GOLIM4: variants seen among roughly 807,000 people sequenced by gnomAD.
The protein encoded by GOLIM4 is golgi integral membrane protein 4, also known as 130 kDa golgi-localized phosphoprotein.
Under a neutral mutation model 107.4 loss-of-function variants are expected in GOLIM4, and 71 were observed. The ratio of observed to expected loss-of-function variants is 0.66; its 90% CI spans 0.55 to 0.81. The LOEUF is 0.81. GOLIM4 is among the 30% of genes least tolerant of loss of function. The probability of loss-of-function intolerance (pLI) is 0.00; values close to 1 mark genes in which losing one functional copy is unlikely to be tolerated. For synonymous variants in GOLIM4, 327 were observed against 294.8 expected (o/e 1.11, Z -1.12); for missense variants, 830 against 826.1 (o/e 1.00, Z -0.06).
chr3:168,090,885 G>C (rs763704844), intron 1 of GOLIM4, among the ~76,000 whole-genome samples: 1 of 152,196 alleles, frequency 6.6e-6, no homozygotes, highest in Non-Finnish European at 1.5e-5. Context: ...GGATGGACCT[G>C]GAGGCCATTA....
chr3:168,085,160 A>G (rs941751341), intron 1 of GOLIM4, among the ~76,000 whole-genome samples: 2 of 152,246 alleles, frequency 1.3e-5, no homozygotes, highest in African/African-American at 2.4e-5. Flanking sequence ...TAGACAGCAA[A>G]TAATGTTGAA....
rs184037789 is a variant in GOLIM4 at position 168,050,971 on chromosome 3, G to A, written c.188-2606C>T. Among the ~76,000 whole-genome samples, 314 of 151,998 alleles carry A rather than the reference G, an allele frequency of 2.1e-3. 1 individual carries two copies. Among genetic ancestry groups the A allele is most frequent in the African/African-American group, 7.3e-3 (301 of 41,446 alleles). ...ATTAAACATTATTGTAGAAGGTCAA[G>A]GATAGAGGGGAAAAAAGCTGAATTT... On this transcript the variant is annotated intron_variant, in intron 1 of 15. Coordinates refer to ENST00000470487, the MANE Select transcript of GOLIM4 (RefSeq NM_014498.5).
At chr3:168,033,443 A>C (rs895492822) in intron 8 of GOLIM4, among the ~76,000 whole-genome samples, 1 of 31,900 alleles carries the variant, frequency 3.1e-5, no homozygotes, top group Non-Finnish European at 7.3e-5. Context: ...GTCTCTACTA[A>C]AAAAACACAA....
chr3:168,039,494 C>T (rs1039342733), intron 7 of GOLIM4, among the ~76,000 whole-genome samples: 1 of 152,052 alleles, frequency 6.6e-6, no homozygotes, highest in East Asian at 1.9e-4. Context: ...AAACTCCTGA[C>T]CTCAGGTGAT....
At chr3:168,016,580 G>T (rs1219330849) in intron 14 of GOLIM4, among the ~76,000 whole-genome samples, 1 of 133,246 alleles carries the variant, frequency 7.5e-6, no homozygotes, top group Non-Finnish European at 1.5e-5. Context: ...CTGCTATAAA[G>T]ACACATGCAC....
chr3:168,071,546 C>G (rs769411150), intron 1 of GOLIM4, among the ~76,000 whole-genome samples: 1 of 151,344 alleles, frequency 6.6e-6, no homozygotes, highest in Non-Finnish European at 1.5e-5. Flanking sequence ...CCGGCGCCCC[C>G]CTACCTCCAG....
chr3:168,042,761 A>C (rs1430429591), intron 5 of GOLIM4, among the ~76,000 whole-genome samples: 1 of 152,140 alleles, frequency 6.6e-6, no homozygotes, highest in East Asian at 1.9e-4. Context: ...ATGAGCAACT[A>C]CTCTACATGC....
intron 9 of GOLIM4, 110 bp downstream of exon 9, chr3:168,032,410 G>T: frequency 1.3e-6 from 1 of 795,130 alleles, no homozygotes; most frequent in Non-Finnish European, 2.1e-6. Context: ...ATGTTTAGTA[G>T]AATCACTCAC....
At chr3:168,024,152 AGAT>A (rs1325920333) in intron 14 of GOLIM4, among the ~76,000 whole-genome samples, 2 of 152,170 alleles carry the variant, frequency 1.3e-5, no homozygotes, top group Non-Finnish European at 2.9e-5. Context: ...GGCACTGGGG[AGAT>A]GCCTGAAGAG....
chr3:168,073,087 A>C (rs192736235), intron 1 of GOLIM4, among the ~76,000 whole-genome samples: 1 of 152,250 alleles, frequency 6.6e-6, no homozygotes, highest in Non-Finnish European at 1.5e-5. Context: ...AAAGGAACAC[A>C]GTATTCCAGG....
chr3:168,095,644 C>A lies in GOLIM4; in HGVS notation c.-359G>T. The A allele has an allele frequency of 4.2e-6, 1 of 236,630 alleles. No homozygotes were observed. The highest frequency in any genetic ancestry group is 8.2e-6 in the Non-Finnish European group (1 of 121,824). The allele number at this position is 236,630 out of a possible 1,614,324, so 14.7% of individuals were successfully genotyped here. On this transcript the variant is annotated 5_prime_UTR_variant, in exon 1 of 16. Coordinates refer to ENST00000470487, the MANE Select transcript of GOLIM4 (RefSeq NM_014498.5). ...TCCCACTTTTTGGCCCCGCTGCCCC[C>A]GGGCAGTTCTTGGAGTCCCGCCCTG...
At chr3:168,083,054 GA>G (rs1314330884) in intron 1 of GOLIM4, among the ~76,000 whole-genome samples, 2 of 152,112 alleles carry the variant, frequency 1.3e-5, no homozygotes, top group Non-Finnish European at 2.9e-5. Flanking sequence ...GGTGAATGAA[GA>G]CATACTATGA....
At chr3:168,036,760 A>G in intron 8 of GOLIM4, 76 bp downstream of exon 8, 1 of 1,220,316 alleles carries the variant, frequency 8.2e-7, no homozygotes, top group Non-Finnish European at 1.1e-6. Flanking sequence ...AGTTGGCAAT[A>G]TTAAAAGCAG....
rs191815873 is a variant in GOLIM4, at chr3:168,064,848, A to G, written c.188-16483T>C. The stretch of plus-strand genomic sequence containing the variant: ...GAAAAAGAAATCTTTGATGATACAT[A>G]TAAGTATTCTAATTAGACGTCCAGA... On this transcript the variant is annotated intron_variant, in intron 1 of 15. Transcript: ENST00000470487. Among the ~76,000 whole-genome samples the G allele has an allele frequency of 2.4e-3, 369 of 152,272 alleles. 1 individual carries two copies. Among genetic ancestry groups the G allele is most frequent in the South Asian group, 5.8e-3 (28 of 4,820 alleles).
chr3:168,028,867 T>G (rs555591401), intron 11 of GOLIM4, among the ~76,000 whole-genome samples: 14 of 152,332 alleles, frequency 9.2e-5, no homozygotes, highest in African/African-American at 3.4e-4. Flanking sequence ...ACTATTGACT[T>G]AATTTGAAAA....
rs1211421782 is a variant in GOLIM4 at position 168,008,755 on chromosome 3, C to T, written c.*1514G>A. 5.3e-5 allele frequency: 8 copies of T among 151,594 alleles called. No individual in the cohort carries two copies. The South Asian group carries it at 1.0e-3, about 20-fold the overall frequency. The allele number at this position is 151,594 out of a possible 1,614,324, so 9.4% of individuals were successfully genotyped here. On this transcript the variant is annotated 3_prime_UTR_variant, in exon 16 of 16. Coordinates refer to ENST00000470487, the MANE Select transcript of GOLIM4 (RefSeq NM_014498.5). ...TGGTTCAAATAATTAAATACTGCAA[C>T]TGGGACATTAAAAATACAAGCTAAT...
intron 1 of GOLIM4, among the ~76,000 whole-genome samples, chr3:168,083,576 T>C (rs1393912094): frequency 6.6e-6 from 1 of 152,220 alleles, no homozygotes; most frequent in Non-Finnish European, 1.5e-5. Context: ...CTTGCTAATA[T>C]ATTTCCAATT....
intron 9 of GOLIM4, among the ~76,000 whole-genome samples, chr3:168,031,592 T>C (rs1034233156): frequency 6.6e-6 from 1 of 152,190 alleles, no homozygotes; most frequent in Non-Finnish European, 1.5e-5. Context: ...GGTTGGGAAG[T>C]AAAGCTGGTG....
At chr3:168,064,497 T>C (rs1479784478) in intron 1 of GOLIM4, among the ~76,000 whole-genome samples, 1 of 152,202 alleles carries the variant, frequency 6.6e-6, no homozygotes, top group Non-Finnish European at 1.5e-5. Flanking sequence ...TTGAATTTGA[T>C]AGCCTGACTT....
Sources: allele counts gnomAD v4.1 joint callset (sites outside exome capture counted in the v4.1 genomes callset), GRCh38; gene constraint gnomAD v4.1.1; transcripts MANE v1.5; gene names NCBI Gene and HGNC (gene_info 2026-07-23, HGNC 2026-07-21).